Variants in SLC9A8 observed in about 807,000 individuals in gnomAD.
SLC9A8 encodes solute carrier family 9 member A8, also known as sodium/hydrogen exchanger 8.
In SLC9A8, 48 loss-of-function variants were observed where a neutral mutation model predicts 66.6. The ratio of observed to expected loss-of-function variants is 0.72; its 90% CI spans 0.57 to 0.92. SLC9A8 has a LOEUF of 0.92. Ranked by LOEUF, SLC9A8 falls within the 40% of genes least tolerant of loss-of-function variation. SLC9A8 has a pLI of 0.00. For synonymous variants in SLC9A8, 274 were observed against 282.6 expected (o/e 0.97, Z 0.31); for missense variants, 599 against 747.3 (o/e 0.80, Z 2.31).
intron 2 of SLC9A8, among the ~76,000 whole-genome samples, chr20:49,821,605 T>G (rs367706299): frequency 1.3e-5 from 2 of 152,132 alleles, no homozygotes; most frequent in African/African-American, 4.8e-5. Flanking sequence ...GTGGATTGTT[T>G]AAACATTTCC....
chr20:49,846,856 G>C (rs1042567496), intron 5 of SLC9A8, among the ~76,000 whole-genome samples: 4 of 152,184 alleles, frequency 2.6e-5, no homozygotes, highest in African/African-American at 9.7e-5. Context: ...TCGGGAGGTG[G>C]AGCTTGCAGT....
At chr20:49,878,206 A>T in intron 12 of SLC9A8, 143 bp downstream of exon 12, 3 of 203,588 alleles carry the variant, frequency 1.5e-5, no homozygotes, top group East Asian at 1.1e-4. Context: ...TTCTTTTGTT[A>T]AAAAAAAAAA....
intron 5 of SLC9A8, among the ~76,000 whole-genome samples, chr20:49,846,823 A>T (rs1160361015): frequency 6.6e-6 from 1 of 152,136 alleles, no homozygotes; most frequent in Non-Finnish European, 1.5e-5. Context: ...CTGAAGCATG[A>T]GAATCATGAG....
At chr20:49,832,777 T>C (rs1351318598) in intron 3 of SLC9A8, among the ~76,000 whole-genome samples, 1 of 139,664 alleles carries the variant, frequency 7.2e-6, no homozygotes, top group African/African-American at 2.7e-5. Context: ...GGACACATTC[T>C]GGGGGTGGGG....
chr20:49,831,822 C>T (rs527540411), intron 3 of SLC9A8, among the ~76,000 whole-genome samples: 1 of 152,362 alleles, frequency 6.6e-6, no homozygotes, highest in African/African-American at 2.4e-5. Flanking sequence ...AAATGAGGCC[C>T]TGGCTTTCCA....
intron 9 of SLC9A8, among the ~76,000 whole-genome samples, chr20:49,864,536 T>C (rs372036110): frequency 1.3e-5 from 2 of 152,224 alleles, no homozygotes; most frequent in African/African-American, 4.8e-5. Context: ...TCTTAGTGTT[T>C]TGTCAGATTC....
rs1465624772 is a variant in SLC9A8, at chr20:49,812,929, G to A, written c.7G>A (p.Glu3Lys). The change falls in exon 1 of 16, where the codon GAG becomes AAG. Residue 3 changes from glutamate (E) to lysine (K), a missense_variant. Coordinates refer to ENST00000361573, the MANE Select transcript of SLC9A8 (RefSeq NM_015266.3). ...GTCCTGGAAGCTCCGCAGGATGGGG[G>A]AGAAGATGGCGGAAGAGGAGTGAGT... The part of the protein sequence containing the change: MG[E>K]KMAEEERFPN... The A allele has an allele frequency of 1.4e-6, 2 of 1,480,856 alleles. No homozygotes were observed. Among genetic ancestry groups the A allele is most frequent in the Admixed American group, 4.8e-5 (2 of 41,910 alleles). 91.7% of individuals were successfully genotyped at this position (1,480,856 alleles called of 1,614,324 possible). A position where few individuals can be genotyped will look rare whatever the true frequency, so the allele number is the denominator to read the frequency against.
At chr20:49,851,125 T>C (rs914179753) in intron 7 of SLC9A8, among the ~76,000 whole-genome samples, 5 of 152,220 alleles carry the variant, frequency 3.3e-5, no homozygotes, top group Non-Finnish European at 7.3e-5. Context: ...CTGCCCTGCC[T>C]GTGTGCACGC....
At chr20:49,817,331 A>G (rs1442070746) in intron 2 of SLC9A8, among the ~76,000 whole-genome samples, 1 of 151,510 alleles carries the variant, frequency 6.6e-6, no homozygotes, top group African/African-American at 2.4e-5. Context: ...CCCCCCCAAA[A>G]AAACAAAAAC....
intron 10 of SLC9A8, among the ~76,000 whole-genome samples, chr20:49,873,490 A>G (rs1209350840): frequency 6.6e-6 from 1 of 151,156 alleles, no homozygotes; most frequent in Non-Finnish European, 1.5e-5. Flanking sequence ...TCCAAAAAAA[A>G]AAAAAAAAAA....
chr20:49,821,931 G>C (rs551713649), intron 2 of SLC9A8, among the ~76,000 whole-genome samples: 9 of 152,290 alleles, frequency 5.9e-5, no homozygotes, highest in African/African-American at 1.9e-4. Flanking sequence ...AGGTGGTGGG[G>C]TATGCTGTGG....
intron 6 of SLC9A8, 112 bp downstream of exon 6, chr20:49,849,792 GGTAAATTCCTTCTGGAA>G: frequency 1.2e-6 from 1 of 808,758 alleles, no homozygotes; most frequent in Non-Finnish European, 2.1e-6. Flanking sequence ...TCACCCTTAA[GGTAAATTCCTTCTGGAA>G]GGAAATCCTA....
In SLC9A8 at chr20:49,887,918, C is replaced by T. The variant is rs143874484; in HGVS notation, c.1728C>T (p.Asp576=). 2,028 of 1,613,520 alleles carry T rather than the reference C, an allele frequency of 1.3e-3. 4 individuals carry two copies. The highest frequency in any genetic ancestry group is 1.6e-3 in the Non-Finnish European group (1,837 of 1,179,690). ...AGGGCCCCTCCGGCTCCGAGGACGA[C>T]GAGCAGGAGCTGCTCTGACGCCAGG... is the stretch of plus-strand genomic sequence containing the variant. The part of the protein sequence containing the change: ...VRQGPSGSED[D]EQELL Residue 576 remains aspartate, a synonymous_variant, in exon 16 of 16, where the codon GAC becomes GAT. Transcript: ENST00000361573.
At chr20:49,846,411 C>G (rs1265901208) in intron 5 of SLC9A8, among the ~76,000 whole-genome samples, 2 of 151,184 alleles carry the variant, frequency 1.3e-5, no homozygotes, top group Admixed American at 6.6e-5. Context: ...CATGCGCTGC[C>G]CCCTACAGGT....
At chr20:49,870,579 G>C (rs755157551) in intron 10 of SLC9A8, among the ~76,000 whole-genome samples, 1 of 152,188 alleles carries the variant, frequency 6.6e-6, no homozygotes, top group Non-Finnish European at 1.5e-5. Flanking sequence ...GCCTGAGAAG[G>C]AGCTGGGTTT....
At chr20:49,834,173 CTCTCTCTCTCTCTATA>C (rs1464076721) in intron 3 of SLC9A8, among the ~76,000 whole-genome samples, 1,237 of 59,416 alleles carry the variant, frequency 0.021, 14 homozygotes, top group East Asian at 0.049. Context: ...CTCTCTCTCT[CTCTCTCTCTCTCTATA>C]TATATATATA....
intron 3 of SLC9A8, among the ~76,000 whole-genome samples, chr20:49,835,800 C>T (rs897433093): frequency 6.7e-6 from 1 of 149,240 alleles, no homozygotes; most frequent in African/African-American, 2.5e-5. Context: ...ATTTTCCTGC[C>T]TCAGCCTCCC....
At chr20:49,861,015 C>T (rs2146664352) in intron 8 of SLC9A8, among the ~76,000 whole-genome samples, 1 of 152,246 alleles carries the variant, frequency 6.6e-6, no homozygotes, top group East Asian at 1.9e-4. Context: ...GCAGGTGTGC[C>T]TGAGGGAGTG....
At chr20:49,851,314 C>T (rs148409449) in intron 7 of SLC9A8, among the ~76,000 whole-genome samples, 185 of 152,232 alleles carry the variant, frequency 1.2e-3, no homozygotes, top group African/African-American at 4.3e-3. Flanking sequence ...TGTAGAAAGC[C>T]CCTCCATCTG....
Sources: gnomAD v4.1 joint callset for allele counts (sites outside exome capture counted in the v4.1 genomes callset) on GRCh38, gnomAD v4.1.1 for gene constraint, MANE v1.5 for transcripts, NCBI Gene and HGNC (gene_info 2026-07-23, HGNC 2026-07-21) for gene names.